FMNL2: variants seen among roughly 807,000 people sequenced by gnomAD.
FMNL2 encodes the protein formin like 2.
Under a neutral mutation model 130.2 loss-of-function variants are expected in FMNL2, and 51 were observed. The observed-to-expected ratio is 0.39, with a 90% CI of 0.31 to 0.49. The LOEUF is 0.49. Ranked by LOEUF, FMNL2 falls within the 20% of genes least tolerant of loss-of-function variation. The pLI is 0.85. For synonymous variants in FMNL2, 465 were observed against 467.1 expected (o/e 1.00, Z 0.06); for missense variants, 977 against 1,316.2 (o/e 0.74, Z 3.99).
intron 5 of FMNL2, among the ~76,000 whole-genome samples, chr2:152,559,308 T>C (rs970649273): frequency 1.3e-5 from 2 of 152,160 alleles, no homozygotes; most frequent in Admixed American, 6.5e-5. Flanking sequence ...TTCCTTGATA[T>C]GCATTTGTAT....
At chr2:152,513,585 G>A (rs1450437468) in intron 1 of FMNL2, among the ~76,000 whole-genome samples, 2 of 152,154 alleles carry the variant, frequency 1.3e-5, no homozygotes, top group African/African-American at 4.8e-5. Flanking sequence ...AGCTTCTCTT[G>A]TAGCTCTGTA....
At chr2:152,437,293 G>A (rs981120837) in intron 1 of FMNL2, among the ~76,000 whole-genome samples, 3 of 152,136 alleles carry the variant, frequency 2.0e-5, no homozygotes, top group Non-Finnish European at 4.4e-5. Flanking sequence ...CTAGACATTT[G>A]ATTTGCTGCT....
intron 1 of FMNL2, among the ~76,000 whole-genome samples, chr2:152,456,260 A>G (rs1050220351): frequency 6.6e-6 from 1 of 152,178 alleles, no homozygotes; most frequent in Non-Finnish European, 1.5e-5. Flanking sequence ...TGTTAACTCA[A>G]TTTTTTAGAA....
At chr2:152,585,210 T>C (rs1197687329) in intron 9 of FMNL2, among the ~76,000 whole-genome samples, 1 of 152,206 alleles carries the variant, frequency 6.6e-6, no homozygotes, top group African/African-American at 2.4e-5. Context: ...GGTTTTGTGT[T>C]GAAATATCTC....
chr2:152,349,042 A>G (rs1682311223), intron 1 of FMNL2, among the ~76,000 whole-genome samples: 1 of 126,738 alleles, frequency 7.9e-6, no homozygotes, highest in African/African-American at 3.3e-5. Context: ...TCACCTTGTT[A>G]GCCAGGATGG....
At chr2:152,469,293 C>T (rs1404291323) in intron 1 of FMNL2, among the ~76,000 whole-genome samples, 3 of 152,166 alleles carry the variant, frequency 2.0e-5, no homozygotes, top group African/African-American at 2.4e-5. Flanking sequence ...TGTGTAACAC[C>T]GAGGAGGAAG....
At chr2:152,431,067 A>G (rs1687467755) in intron 1 of FMNL2, among the ~76,000 whole-genome samples, 1 of 152,332 alleles carries the variant, frequency 6.6e-6, no homozygotes, top group South Asian at 2.1e-4. Context: ...CCAAATGCTC[A>G]GCTGACTTTT....
At chr2:152,416,462 A>G (rs1408674464) in intron 1 of FMNL2, among the ~76,000 whole-genome samples, 1 of 152,266 alleles carries the variant, frequency 6.6e-6, no homozygotes, top group African/African-American at 2.4e-5. Context: ...AAGAAACTGC[A>G]CCAGAGTTTA....
At chr2:152,455,125 G>A (rs1189687449) in intron 1 of FMNL2, among the ~76,000 whole-genome samples, 1 of 152,140 alleles carries the variant, frequency 6.6e-6, no homozygotes, top group Non-Finnish European at 1.5e-5. Flanking sequence ...CTGGGAGACA[G>A]CTCTTTCCTA....
In FMNL2 at chr2:152,648,678, TGAGAACA is replaced by T. The variant is rs1374970197; in HGVS notation, c.*776_*782del. On this transcript the variant is annotated 3_prime_UTR_variant, in exon 26 of 26. Coordinates refer to ENST00000288670, the MANE Select transcript of FMNL2 (RefSeq NM_052905.4). ...CATTTCTGAGGACCATTATTAATTCTGAGAACAGAAATTGGTGCCTTGCAAGGAAGTT... is the reference window on the plus strand; with the variant it reads ...CATTTCTGAGGACCATTATTAATTCTGAAATTGGTGCCTTGCAAGGAAGTT... 1 of 152,654 alleles carries T rather than the reference TGAGAACA, an allele frequency of 6.6e-6. No individual in the cohort carries two copies. Among genetic ancestry groups the T allele is most frequent in the Admixed American group, 6.5e-5 (1 of 15,276 alleles). The allele number at this position is 152,654 out of a possible 1,614,324, so 9.5% of individuals were successfully genotyped here.
At chr2:152,413,691 G>A (rs892384602) in intron 1 of FMNL2, among the ~76,000 whole-genome samples, 1 of 152,220 alleles carries the variant, frequency 6.6e-6, no homozygotes, top group East Asian at 1.9e-4. Context: ...AAATGAATTA[G>A]CCCTAACAGG....
At chr2:152,425,134 A>G (rs190591937) in intron 1 of FMNL2, among the ~76,000 whole-genome samples, 242 of 152,350 alleles carry the variant, frequency 1.6e-3, no homozygotes, top group African/African-American at 5.6e-3. Flanking sequence ...TCAGTTTTCC[A>G]AACCCCTGTA....
intron 1 of FMNL2, among the ~76,000 whole-genome samples, chr2:152,487,788 T>C (rs369408233): frequency 9.2e-5 from 14 of 152,116 alleles, no homozygotes; most frequent in East Asian, 1.9e-4. Context: ...TTCTTTCTTT[T>C]TTTTTTTTTT....
chr2:152,454,020 C>T (rs1688804639), intron 1 of FMNL2, among the ~76,000 whole-genome samples: 1 of 152,122 alleles, frequency 6.6e-6, no homozygotes, highest in South Asian at 2.1e-4. Flanking sequence ...CGCCTATAAC[C>T]CCAGCACTTC....
chr2:152,471,163 A>G (rs1381461669), intron 1 of FMNL2, among the ~76,000 whole-genome samples: 4 of 152,132 alleles, frequency 2.6e-5, no homozygotes, highest in Non-Finnish European at 4.4e-5. Context: ...GAAAAAAAAA[A>G]AAAGCAGAAA....
intron 4 of FMNL2, among the ~76,000 whole-genome samples, chr2:152,555,986 A>G (rs1008882572): frequency 6.6e-6 from 1 of 152,186 alleles, no homozygotes; most frequent in Non-Finnish European, 1.5e-5. Context: ...TTTAGATTCC[A>G]GTTACTGCTT....
intron 1 of FMNL2, among the ~76,000 whole-genome samples, chr2:152,440,712 C>A (rs923984285): frequency 1.3e-5 from 2 of 152,102 alleles, no homozygotes; most frequent in African/African-American, 4.8e-5. Flanking sequence ...TTATTAGTGC[C>A]GGAAGTCCTT....
intron 8 of FMNL2, among the ~76,000 whole-genome samples, chr2:152,580,262 T>C (rs1276740713): frequency 6.6e-6 from 1 of 152,204 alleles, no homozygotes; most frequent in Non-Finnish European, 1.5e-5. Flanking sequence ...GAAGAAACAA[T>C]GCTGTTTCTT....
intron 1 of FMNL2, among the ~76,000 whole-genome samples, chr2:152,424,220 G>T (rs555575308): frequency 6.6e-6 from 1 of 152,066 alleles, no homozygotes. Flanking sequence ...GGAAGTATTC[G>T]GTGGTACACA....
Sources: gnomAD v4.1 joint callset for allele counts (sites outside exome capture counted in the v4.1 genomes callset) on GRCh38, gnomAD v4.1.1 for gene constraint, MANE v1.5 for transcripts, NCBI Gene and HGNC (gene_info 2026-07-23, HGNC 2026-07-21) for gene names.